The following TENM2 variants were observed in gnomAD, a reference collection of about 807,000 sequenced individuals.
TENM2 encodes the protein teneurin-2.
A neutral mutation model predicts 245.2 loss-of-function variants in TENM2; 52 were observed. That is an observed-to-expected ratio of 0.21 (90% CI 0.17 to 0.27). The LOEUF is 0.27. Among genes scored for constraint, TENM2 ranks in the 10% least tolerant of loss-of-function variants. TENM2 has a pLI of 1.00. For synonymous variants in TENM2, 1,363 were observed against 1,438.9 expected, an observed-to-expected ratio of 0.95 and a Z score of 1.19; for missense variants, 3,046 against 3,666.8, an observed-to-expected ratio of 0.83 and a Z score of 4.37.
chr5:167,980,872 A>G (rs988341798), intron 4 of TENM2, among the ~76,000 whole-genome samples: 1 of 152,094 alleles, frequency 6.6e-6, no homozygotes, highest in Non-Finnish European at 1.5e-5. Context: ...AAGGACAGGA[A>G]CCATGGTGAA....
intron 2 of TENM2, among the ~76,000 whole-genome samples, chr5:167,744,044 A>G (rs1761388735): frequency 6.6e-6 from 1 of 152,200 alleles, no homozygotes; most frequent in South Asian, 2.1e-4. Flanking sequence ...TTGAATTTCA[A>G]GGTTAAATTC....
chr5:167,946,417 A>G (rs1266975261), intron 3 of TENM2, among the ~76,000 whole-genome samples: 2 of 152,310 alleles, frequency 1.3e-5, no homozygotes, highest in East Asian at 3.9e-4. Flanking sequence ...TTGGGAAGGC[A>G]TAGAAAGAGA....
At chr5:167,451,953 C>T (rs998680498) in intron 2 of TENM2, among the ~76,000 whole-genome samples, 7 of 152,050 alleles carry the variant, frequency 4.6e-5, no homozygotes, top group African/African-American at 1.7e-4. Flanking sequence ...CTGGCAGCAA[C>T]TGATTTTTTA....
the TENM2 span, among the ~76,000 whole-genome samples, chr5:167,070,824 A>T: frequency 1.2e-4 from 19 of 152,274 alleles, no homozygotes; most frequent in Admixed American, 2.0e-4. Context: ...TTTGTCTTTG[A>T]TATTTTAGCA....
At chr5:167,323,862 A>C (rs1480847838) in intron 1 of TENM2, among the ~76,000 whole-genome samples, 1 of 152,200 alleles carries the variant, frequency 6.6e-6, no homozygotes, top group South Asian at 2.1e-4. Flanking sequence ...CTTCAGAGAA[A>C]TGTACGAAGT....
At chr5:167,945,085 G>C (rs1272842909) in intron 3 of TENM2, among the ~76,000 whole-genome samples, 1 of 152,174 alleles carries the variant, frequency 6.6e-6, no homozygotes, top group Non-Finnish European at 1.5e-5. Context: ...CCTGTCCTCT[G>C]AGACTCTAAA....
upstream of TENM2, among the ~76,000 whole-genome samples, chr5:167,281,202 G>C (rs1452869527): frequency 6.6e-6 from 1 of 151,008 alleles, no homozygotes; most frequent in Non-Finnish European, 1.5e-5. Context: ...TCCGCTTTCC[G>C]GGTTCAAGCA....
intron 2 of TENM2, chr5:167,754,994 A>T: frequency 6.4e-7 from 1 of 1,567,208 alleles, no homozygotes; most frequent in East Asian, 2.3e-5. Flanking sequence ...ACTGCTGGTG[A>T]TTTTTCTGTA....
At chr5:167,687,598 A>T (rs985425921) in intron 2 of TENM2, among the ~76,000 whole-genome samples, 3 of 152,228 alleles carry the variant, frequency 2.0e-5, no homozygotes, top group Non-Finnish European at 4.4e-5. Flanking sequence ...TTGAGAGTTC[A>T]CAGATGTTTC....
chr5:167,513,312 G>T (rs1770093948), intron 2 of TENM2, among the ~76,000 whole-genome samples: 1 of 152,098 alleles, frequency 6.6e-6, no homozygotes, highest in South Asian at 2.1e-4. Context: ...TTTATTTGGA[G>T]ATGTTCAGAG....
chr5:168,073,279 GT>G (rs1791181941), intron 7 of TENM2, among the ~76,000 whole-genome samples: 1 of 152,192 alleles, frequency 6.6e-6, no homozygotes, highest in Non-Finnish European at 1.5e-5. Context: ...GAGCATAAAA[GT>G]TGGCCACCAC....
At chr5:168,003,189 C>G (rs1207923871) in intron 5 of TENM2, among the ~76,000 whole-genome samples, 1 of 152,060 alleles carries the variant, frequency 6.6e-6, no homozygotes, top group Non-Finnish European at 1.5e-5. Context: ...GTACAAGGGT[C>G]TAACCAATGT....
At chr5:168,187,481 G>A (rs1054805486) in intron 13 of TENM2, 1 of 152,206 alleles carries the variant, frequency 6.6e-6, no homozygotes, top group Admixed American at 6.5e-5. Context: ...CCCCTAATTG[G>A]AAGAGGCCTG....
rs1774934180 is a variant in TENM2, at chr5:167,893,577, T to A, written c.712+17382T>A. ...CATATGCTTCGTTGCTAGTATTTTC[T>A]TGTATTTTCTTTTTTTCCGTTGCCA... On this transcript the variant is annotated intron_variant, in intron 3 of 28. Coordinates refer to ENST00000518659, the Ensembl canonical transcript of TENM2. 5.9e-5 allele frequency among the ~76,000 whole-genome samples: 9 copies of A among 152,120 alleles called. No individual in the cohort carries two copies. In the South Asian group the frequency reaches 1.9e-3, roughly 31 times the overall value.
chr5:167,212,283 A>G, the TENM2 span, among the ~76,000 whole-genome samples: 1 of 152,178 alleles, frequency 6.6e-6, no homozygotes, highest in Non-Finnish European at 1.5e-5. Context: ...TCTTCTCACC[A>G]AGAACAGCAT....
chr5:167,957,036 C>T (rs1780614820), intron 4 of TENM2, among the ~76,000 whole-genome samples: 1 of 151,946 alleles, frequency 6.6e-6, no homozygotes, highest in African/African-American at 2.4e-5. Flanking sequence ...GGAATAGTTT[C>T]AGAAGGAATG....
At chr5:167,491,129 A>T (rs1432474702) in intron 2 of TENM2, among the ~76,000 whole-genome samples, 1 of 152,164 alleles carries the variant, frequency 6.6e-6, no homozygotes, top group Admixed American at 6.5e-5. Flanking sequence ...ATTGGTAGAA[A>T]GTATATCTCT....
rs765076080 is a variant in TENM2, at chr5:167,884,329, A to G, written c.712+8134A>G. Among the ~76,000 whole-genome samples, 46 of 152,274 alleles carry G rather than the reference A, an allele frequency of 3.0e-4. No individual in the cohort carries two copies. The South Asian group carries it at 3.3e-3, about 11-fold the overall frequency. ...TGGCTTTAAGTATGTTCACATTGTT[A>G]TGCAACCATCACCACCATCCACCTC... On this transcript the variant is annotated intron_variant, in intron 3 of 28. Coordinates refer to ENST00000518659, the Ensembl canonical transcript of TENM2.
At chr5:167,680,068 G>A (rs1350482073) in intron 2 of TENM2, among the ~76,000 whole-genome samples, 1 of 152,084 alleles carries the variant, frequency 6.6e-6, no homozygotes, top group Admixed American at 6.6e-5. Flanking sequence ...TTTGGAGAAA[G>A]TATTTCCCAG....
Sources: gnomAD v4.1 joint callset for allele counts (sites outside exome capture counted in the v4.1 genomes callset) on GRCh38, gnomAD v4.1.1 for gene constraint, MANE v1.5 for transcripts, NCBI Gene and HGNC (gene_info 2026-07-23, HGNC 2026-07-21) for gene names.